Variants in DAP observed in about 807,000 individuals in gnomAD.
DAP encodes death-associated protein 1.
In DAP, 8 loss-of-function variants were observed where a neutral mutation model predicts 13.8. The ratio of observed to expected loss-of-function variants is 0.58; its 90% confidence interval spans 0.34 to 1.05. The LOEUF is 1.05. Ranked by LOEUF, DAP falls within the 50% of genes least tolerant of loss-of-function variation. The pLI is 0.03. For synonymous variants in DAP, 47 were observed against 47.5 expected, an observed-to-expected ratio of 0.99 and a Z score of 0.04; for missense variants, 106 against 133.2, an observed-to-expected ratio of 0.80 and a Z score of 1.01.
chr5:10,757,897 G>A (rs1040687484), intron 1 of DAP, among the ~76,000 whole-genome samples: 2 of 152,164 alleles, frequency 1.3e-5, no homozygotes, highest in African/African-American at 4.8e-5. Flanking sequence ...AAGAGATCAA[G>A]AAGACCCAGC....
chr5:10,709,856 G>C (rs2964780), intron 2 of DAP, among the ~76,000 whole-genome samples: 34,559 of 152,146 alleles, frequency 0.23, 4,098 homozygotes, highest in Middle Eastern at 0.35. Context: ...AGCCCTTCTT[G>C]TATTCTTTAG....
intron 2 of DAP, among the ~76,000 whole-genome samples, chr5:10,744,901 C>T (rs1161833532): frequency 3.9e-5 from 6 of 152,188 alleles, no homozygotes; most frequent in African/African-American, 2.4e-5. Context: ...ACTTACCCAC[C>T]GTGTGCCCTC....
chr5:10,738,610 G>C (rs556617937), intron 2 of DAP, among the ~76,000 whole-genome samples: 34 of 152,330 alleles, frequency 2.2e-4, no homozygotes, highest in African/African-American at 8.2e-4. Flanking sequence ...TCAAGGTCAT[G>C]AAAGATTTTA....
At chr5:10,699,317 G>GAGGGACAT (rs2126644087) in intron 2 of DAP, among the ~76,000 whole-genome samples, 1 of 152,334 alleles carries the variant, frequency 6.6e-6, no homozygotes, top group South Asian at 2.1e-4. Context: ...CCAGTTGCTG[G>GAGGGACAT]AGGGACATAG....
chr5:10,736,615 C>A (rs916826665), intron 2 of DAP, among the ~76,000 whole-genome samples: 2 of 152,168 alleles, frequency 1.3e-5, no homozygotes, highest in Non-Finnish European at 2.9e-5. Flanking sequence ...TTCCTTTTAC[C>A]ACTCCCTTGC....
At position 10,680,859 on chromosome 5, in the gene DAP, A is replaced by C; in HGVS notation, c.*197T>G. ...TGATCCTCAAATGACATCCAACCAG[A>C]CTCCCCATAAACAAGGTTTGGGCTG... On this transcript the variant is annotated 3_prime_UTR_variant, in exon 4 of 4. Transcript: ENST00000230895. The C allele has an allele frequency of 1.3e-6, 2 of 1,536,718 alleles. No individual in the cohort carries two copies. The highest frequency in any genetic ancestry group is 1.7e-6 in the Non-Finnish European group (2 of 1,146,994).
intron 2 of DAP, among the ~76,000 whole-genome samples, chr5:10,685,888 G>A (rs1190638105): frequency 6.6e-6 from 1 of 152,080 alleles, no homozygotes. Context: ...GGAAGCTTGA[G>A]TAATTATATA....
At chr5:10,689,818 G>A (rs1047681471) in intron 2 of DAP, among the ~76,000 whole-genome samples, 1 of 152,154 alleles carries the variant, frequency 6.6e-6, no homozygotes, top group East Asian at 1.9e-4. Context: ...TGGAAAGGCC[G>A]TGAACTTGCC....
intron 1 of DAP, among the ~76,000 whole-genome samples, chr5:10,759,781 C>G (rs905061298): frequency 1.2e-4 from 15 of 125,578 alleles, no homozygotes; most frequent in African/African-American, 4.5e-4. Context: ...GATGGAGTCT[C>G]GCTCGCTTTG....
chr5:10,734,943 C>T (rs902941791), intron 2 of DAP, among the ~76,000 whole-genome samples: 2 of 152,220 alleles, frequency 1.3e-5, no homozygotes, highest in Admixed American at 1.3e-4. Context: ...TCACCGGCCT[C>T]CTGGTCCTGA....
intron 2 of DAP, among the ~76,000 whole-genome samples, chr5:10,713,597 T>C (rs1282629874): frequency 6.6e-6 from 1 of 152,142 alleles, no homozygotes; most frequent in East Asian, 1.9e-4. Context: ...TTTTCCACAA[T>C]CACACAGGCA....
intron 1 of DAP, among the ~76,000 whole-genome samples, chr5:10,753,192 C>T (rs559684141): frequency 7.9e-5 from 12 of 152,320 alleles, no homozygotes; most frequent in African/African-American, 2.2e-4. Flanking sequence ...TTGGAGTCCA[C>T]GCATCTTTCA....
intron 2 of DAP, among the ~76,000 whole-genome samples, chr5:10,743,241 T>G (rs974944955): frequency 2.0e-5 from 3 of 152,206 alleles, no homozygotes; most frequent in Non-Finnish European, 4.4e-5. Context: ...CAAAGTTAAT[T>G]AGGTAACTCC....
intron 2 of DAP, among the ~76,000 whole-genome samples, chr5:10,708,357 C>T (rs545775332): frequency 6.6e-5 from 10 of 151,934 alleles, no homozygotes; most frequent in South Asian, 2.1e-4. Context: ...TACACACAGA[C>T]GCACATACAC....
Position 10,680,419 on chromosome 5 carries a change from CT to C in DAP, c.*636del. ...GAAGTCCTCCCTCGGAGCTACCTGT[CT>C]CCAGCCTCATTCTTTGGCATGTTGA... On this transcript the variant is annotated 3_prime_UTR_variant, in exon 4 of 4. Coordinates refer to ENST00000230895, the MANE Select transcript of DAP (RefSeq NM_004394.3). 8 of 389,262 alleles carry C rather than the reference CT, an allele frequency of 2.1e-5. No homozygotes were observed. The South Asian group carries it at 2.6e-4, about 13-fold the overall frequency. The allele number at this position is 389,262 out of a possible 1,614,324, so 24.1% of individuals were successfully genotyped here. A position where few individuals can be genotyped will look rare whatever the true frequency, so the allele number is the denominator to read the frequency against.
intron 2 of DAP, among the ~76,000 whole-genome samples, chr5:10,720,367 G>T (rs1355891103): frequency 6.6e-6 from 1 of 152,156 alleles, no homozygotes; most frequent in Non-Finnish European, 1.5e-5. Context: ...AAGCATGATT[G>T]GAAAATTGGT....
intron 2 of DAP, among the ~76,000 whole-genome samples, chr5:10,728,949 A>G (rs1739363815): frequency 6.6e-6 from 1 of 152,226 alleles, no homozygotes; most frequent in Middle Eastern, 3.2e-3. Flanking sequence ...CAGATTCACC[A>G]TATTTCCACC....
intron 2 of DAP, among the ~76,000 whole-genome samples, chr5:10,724,688 GAACT>G (rs2126661668): frequency 6.6e-6 from 1 of 152,352 alleles, no homozygotes; most frequent in South Asian, 2.1e-4. Flanking sequence ...ACCAGCACAT[GAACT>G]AACAGACCAA....
chr5:10,725,056 C>T (rs1739252622), intron 2 of DAP, among the ~76,000 whole-genome samples: 1 of 152,182 alleles, frequency 6.6e-6, no homozygotes, highest in African/African-American at 2.4e-5. Context: ...TTGTTTCTAT[C>T]TCTGATCACA....
Sources: allele counts gnomAD v4.1 joint callset (sites outside exome capture counted in the v4.1 genomes callset), GRCh38; gene constraint gnomAD v4.1.1; transcripts MANE v1.5; gene names NCBI Gene and HGNC (gene_info 2026-07-23, HGNC 2026-07-21).